Variants in MARCHF1 observed in about 807,000 individuals in gnomAD.
The protein encoded by MARCHF1 is E3 ubiquitin-protein ligase MARCHF1.
MARCHF1 carries 40 observed loss-of-function variants against 54.2 expected under a neutral mutation model. The ratio of observed to expected loss-of-function variants is 0.74; its 90% CI spans 0.57 to 0.96. MARCHF1 has a LOEUF of 0.96. Ranked by LOEUF, MARCHF1 falls within the 40% of genes least tolerant of loss-of-function variation. The pLI is 0.00. For synonymous variants in MARCHF1, 236 were observed against 236.3 expected (o/e 1.00, Z 0.01); for missense variants, 586 against 656.5 (o/e 0.89, Z 1.17).
chr4:163,534,000 G>A (rs149996778), intron 9 of MARCHF1, among the ~76,000 whole-genome samples: 1 of 151,878 alleles, frequency 6.6e-6, no homozygotes, highest in Non-Finnish European at 1.5e-5. Context: ...CTCTCATCCA[G>A]TGCCTTTCTT....
At chr4:164,108,167 C>T (rs528767202) in intron 2 of MARCHF1, among the ~76,000 whole-genome samples, 101 of 152,144 alleles carry the variant, frequency 6.6e-4, no homozygotes, top group African/African-American at 2.3e-3. Context: ...CAAGACCTTT[C>T]GTGGCTTAAA....
chr4:164,176,412 T>C (rs1055935156), intron 1 of MARCHF1, among the ~76,000 whole-genome samples: 26 of 152,198 alleles, frequency 1.7e-4, no homozygotes, highest in African/African-American at 5.5e-4. Flanking sequence ...ATATTTGCTA[T>C]GGATGTTTTT....
intron 7 of MARCHF1, among the ~76,000 whole-genome samples, chr4:163,591,539 T>C (rs1560960716): frequency 6.6e-6 from 1 of 152,116 alleles, no homozygotes; most frequent in Non-Finnish European, 1.5e-5. Context: ...GATCTTTTTG[T>C]GGATTTGTAT....
chr4:164,154,052 T>G (rs1282545817), intron 1 of MARCHF1, among the ~76,000 whole-genome samples: 1 of 152,190 alleles, frequency 6.6e-6, no homozygotes, highest in Non-Finnish European at 1.5e-5. Context: ...ATTGCACATA[T>G]TTTGGGTTAT....
At chr4:164,323,261 C>T (rs960996611) in intron 1 of MARCHF1, among the ~76,000 whole-genome samples, 1 of 151,218 alleles carries the variant, frequency 6.6e-6, no homozygotes. Flanking sequence ...TTAAAATAAC[C>T]CCTGGATCAA....
At chr4:164,166,560 G>A (rs1730386544) in intron 1 of MARCHF1, among the ~76,000 whole-genome samples, 1 of 151,820 alleles carries the variant, frequency 6.6e-6, no homozygotes, top group Non-Finnish European at 1.5e-5. Context: ...GGAGAACAAT[G>A]GAAAGCTTTT....
chr4:164,005,855 G>A (rs760278071), intron 2 of MARCHF1, among the ~76,000 whole-genome samples: 7 of 152,074 alleles, frequency 4.6e-5, no homozygotes, highest in Non-Finnish European at 1.0e-4. Context: ...CCATGCTGCT[G>A]GGATAATCTG....
chr4:164,008,162 C>G (rs1753337608), intron 2 of MARCHF1, among the ~76,000 whole-genome samples: 3 of 151,938 alleles, frequency 2.0e-5, no homozygotes, highest in Admixed American at 2.0e-4. Context: ...AAACTGGAAA[C>G]CAATAAAGAG....
intron 9 of MARCHF1, among the ~76,000 whole-genome samples, chr4:163,531,830 G>A (rs1476319451): frequency 1.3e-5 from 2 of 151,522 alleles, no homozygotes; most frequent in African/African-American, 4.8e-5. Context: ...ATTTACATTT[G>A]TGCCAACAAA....
At chr4:164,329,555 T>A (rs1396099844) in intron 1 of MARCHF1, among the ~76,000 whole-genome samples, 3 of 152,240 alleles carry the variant, frequency 2.0e-5, no homozygotes, top group Non-Finnish European at 4.4e-5. Context: ...CTTGCATTGC[T>A]ATAAATACCT....
chr4:163,926,902 A>G (rs114537346), intron 3 of MARCHF1, among the ~76,000 whole-genome samples: 1 of 151,664 alleles, frequency 6.6e-6, no homozygotes, highest in Non-Finnish European at 1.5e-5. Context: ...ATTAAAAAAA[A>G]CAAAATTCTA....
intron 9 of MARCHF1, 60 bp downstream of exon 9, chr4:163,545,536 A>G: frequency 6.5e-7 from 1 of 1,537,644 alleles, no homozygotes; most frequent in Non-Finnish European, 8.8e-7. Context: ...TAACTTCCCT[A>G]TCCACCTCTG....
At chr4:163,948,569 G>A (rs767104662) in intron 3 of MARCHF1, among the ~76,000 whole-genome samples, 1 of 152,198 alleles carries the variant, frequency 6.6e-6, no homozygotes, top group Non-Finnish European at 1.5e-5. Flanking sequence ...AGGATAGGTT[G>A]TTTTTCAGAA....
chr4:163,605,424 G>A (rs897604866), intron 7 of MARCHF1, among the ~76,000 whole-genome samples: 1 of 152,190 alleles, frequency 6.6e-6, no homozygotes, highest in African/African-American at 2.4e-5. Flanking sequence ...TGGAGAGGAT[G>A]TGGAGAAATA....
chr4:163,560,518 A>G (rs370927272), intron 8 of MARCHF1, among the ~76,000 whole-genome samples: 4 of 152,182 alleles, frequency 2.6e-5, no homozygotes, highest in South Asian at 4.1e-4. Flanking sequence ...TTTGCATTCC[A>G]CTTGAAGTTT....
chr4:163,931,392 T>C (rs1028362775), intron 3 of MARCHF1, among the ~76,000 whole-genome samples: 1 of 152,094 alleles, frequency 6.6e-6, no homozygotes, highest in African/African-American at 2.4e-5. Flanking sequence ...CATTAGTATG[T>C]GGGGCTTTTT....
chr4:163,790,866 T>G (rs1328087686), intron 4 of MARCHF1, among the ~76,000 whole-genome samples: 2 of 151,990 alleles, frequency 1.3e-5, no homozygotes, highest in Non-Finnish European at 2.9e-5. Context: ...GTTGAAGGGG[T>G]TGTTAGCATG....
At chr4:163,898,913 T>C (rs1296648274) in intron 3 of MARCHF1, among the ~76,000 whole-genome samples, 10 of 152,190 alleles carry the variant, frequency 6.6e-5, no homozygotes, top group Admixed American at 6.5e-4. Context: ...GAGTCTTTTA[T>C]CCTAAGTGAA....
At chr4:163,662,987 A>G (rs1209187524) in intron 5 of MARCHF1, among the ~76,000 whole-genome samples, 1 of 152,012 alleles carries the variant, frequency 6.6e-6, no homozygotes, top group Non-Finnish European at 1.5e-5. Flanking sequence ...CCTGGAAAAA[A>G]AAAAATGTTT....
Sources: allele counts gnomAD v4.1 joint callset (sites outside exome capture counted in the v4.1 genomes callset), GRCh38; gene constraint gnomAD v4.1.1; transcripts MANE v1.5; gene names NCBI Gene and HGNC (gene_info 2026-07-23, HGNC 2026-07-21).